Variants in ADAMTS8 observed in about 807,000 individuals in gnomAD.
ADAMTS8 encodes the protein A disintegrin and metalloproteinase with thrombospondin motifs 8.
Under a neutral mutation model 64.4 loss-of-function variants are expected in ADAMTS8, and 50 were observed. The observed-to-expected ratio is 0.78, with a 90% CI of 0.62 to 0.98. ADAMTS8 has a LOEUF of 0.98. Ranked by LOEUF, ADAMTS8 falls within the 50% of genes least tolerant of loss-of-function variation. The probability of loss-of-function intolerance (pLI) is 0.00; values close to 1 mark genes in which losing one functional copy is unlikely to be tolerated. For missense variants in ADAMTS8, 1,192 were observed against 1,208.2 expected, an observed-to-expected ratio of 0.99 and a Z score of 0.20; for synonymous variants, 556 against 533.6, an observed-to-expected ratio of 1.04 and a Z score of -0.58.
Position 130,408,793 on chromosome 11 carries a change from C to A in ADAMTS8, c.1898G>T (p.Ser633Ile), listed in dbSNP as rs750862617. The A allele has an allele frequency of 1.2e-6, 2 of 1,614,130 alleles. No homozygotes were observed. The highest frequency in any genetic ancestry group is 1.7e-6 in the Non-Finnish European group (2 of 1,180,018). ...CKLFCRARGR[S>I]EFKVFEAKVI... ...CTTGGCCTCGAACACTTTGAACTCG[C>A]TCCTCCCCCGGGCTCGGCAGAACAA... Residue 633 changes from serine to isoleucine, a missense_variant, in exon 7 of 9, where the codon AGC (serine) becomes ATC (isoleucine). By Grantham distance (142) the Ser-to-Ile change is moderately radical. Transcript: ENST00000257359.
intron 1 of ADAMTS8, among the ~76,000 whole-genome samples, chr11:130,427,230 G>A (rs1413568456): frequency 6.6e-6 from 1 of 152,172 alleles, no homozygotes; most frequent in Non-Finnish European, 1.5e-5. Context: ...GGCAGGTGCC[G>A]GGGAATGCGT....
At chr11:130,418,920 G>A (rs571575346) in intron 2 of ADAMTS8, 133 bp downstream of exon 2, 935 of 1,401,116 alleles carry the variant, frequency 6.7e-4, no homozygotes, top group Middle Eastern at 1.8e-3. Context: ...ATCATTCTGG[G>A]CATGAGGCTC....
At chr11:130,423,798 G>A (rs928693725) in intron 1 of ADAMTS8, among the ~76,000 whole-genome samples, 1 of 152,198 alleles carries the variant, frequency 6.6e-6, no homozygotes, top group Non-Finnish European at 1.5e-5. Context: ...ATCTCGCCCC[G>A]GGTTCACACA....
rs368948558 is a variant in ADAMTS8, at chr11:130,411,552, A to G, written c.1615T>C (p.Ser539Pro). 4 of 1,614,016 alleles carry G rather than the reference A, an allele frequency of 2.5e-6. No individual in the cohort carries two copies. The African/African-American group carries it at 4.0e-5, about 16-fold the overall frequency. The change falls in exon 6 of 9, where the codon TCT (serine) becomes CCT (proline). Residue 539 changes from serine (S) to proline (P), a missense_variant. By Grantham distance (74) the Ser-to-Pro change is moderately conservative (BLOSUM62 -1). Around this residue, in one of 5 missense-constraint regions of ADAMTS8, gnomAD observed 290 missense variants for 297.8 expected, o/e 0.97. Transcript: ENST00000257359. This position sits in a 1 kb window ranked among gnomAD's most constrained non-coding sequence, Gnocchi z 4.2. ...TGTACTCCTCCTCCACAGGTCCGAGAACATTCTCCCCAGGGTCCCCACGGT... is the reference window on the plus strand; with the variant it reads ...TGTACTCCTCCTCCACAGGTCCGAGGACATTCTCCCCAGGGTCCCCACGGT... ...WAPWGPWGEC[S>P]RTCGGGVQFS...
rs758545232 is a variant in ADAMTS8, at chr11:130,416,222, G to A, written c.1205C>T (p.Thr402Met). 2.1e-5 allele frequency: 34 copies of A among 1,595,276 alleles called. No homozygotes were observed. Among genetic ancestry groups the A allele is most frequent in the Middle Eastern group, 1.7e-4 (1 of 5,988 alleles). ...MAPLFVHLNQ[T>M]LPWSPCSAMY... Reference sequence around the variant, plus strand: ...GGCGCTGCAGGGGGACCAGGGCAGCGTCTGGTTCAGGTGGACGAACAGCGG... The same window carrying A: ...GGCGCTGCAGGGGGACCAGGGCAGCATCTGGTTCAGGTGGACGAACAGCGG... The change falls in exon 4 of 9, where the codon ACG becomes ATG. Residue 402 changes from threonine (T) to methionine (M), a missense_variant. Around this residue, in one of 5 missense-constraint regions of ADAMTS8, gnomAD observed 741 missense variants for 710.6 expected, o/e 1.04. Transcript: ENST00000257359. This position sits in a 1 kb window ranked among gnomAD's most constrained non-coding sequence, Gnocchi z 4.8.
Position 130,428,211 on chromosome 11 carries a change from C to G in ADAMTS8, c.76G>C (p.Gly26Arg). 8.1e-7 allele frequency: 1 copy of G among 1,233,060 alleles called. No homozygotes were observed. The highest frequency in any genetic ancestry group is 1.0e-6 in the Non-Finnish European group (1 of 995,578). The allele number at this position is 1,233,060 out of a possible 1,614,324, so 76.4% of individuals were successfully genotyped here. Reference protein sequence around the residue: ...LLLLLLPLARGAPARPAAGGQ... With the variant: ...LLLLLLPLARRAPARPAAGGQ... The stretch of plus-strand genomic sequence containing the variant: ...CCGGCTGCGGGCCGGGCCGGGGCGC[C>G]GCGGGCCAGCGGCAGCAGCAGCAGC... The change falls in exon 1 of 9, where the codon GGC (glycine) becomes CGC (arginine). Residue 26 changes from glycine (G) to arginine (R), a missense_variant. Gly to Arg is a moderately radical substitution (Grantham distance 125). Around this residue, in one of 5 missense-constraint regions of ADAMTS8, gnomAD observed 741 missense variants for 710.6 expected, o/e 1.04. Transcript: ENST00000257359.
At chr11:130,407,864 A>T (rs1861903656) in intron 8 of ADAMTS8, among the ~76,000 whole-genome samples, 1 of 152,212 alleles carries the variant, frequency 6.6e-6, no homozygotes, top group African/African-American at 2.4e-5. Context: ...TGCTCACCTC[A>T]TGGACTTATT....
intron 1 of ADAMTS8, among the ~76,000 whole-genome samples, chr11:130,424,154 G>T (rs1424787403): frequency 6.6e-6 from 1 of 152,214 alleles, no homozygotes; most frequent in African/African-American, 2.4e-5. Context: ...GTATCAGAGG[G>T]TCGACAGAGC....
Position 130,416,121 on chromosome 11 carries a change from G to A in ADAMTS8, c.1264+42C>T. On this transcript the variant is annotated intron_variant, in intron 4 of 8. Transcript: ENST00000257359. The surrounding 1 kb of genome is among the most constrained non-coding windows in gnomAD (Gnocchi z 4.8). ...GTCTCTGCGCCAGCACCAGTGGAAG[G>A]AGGCCCACGGGGACAAGTAGGGCGG... 6.6e-7 allele frequency: 1 copy of A among 1,517,892 alleles called. No homozygotes were observed. The highest frequency in any genetic ancestry group is 1.4e-5 in the African/African-American group (1 of 73,030). 94.0% of individuals were successfully genotyped at this position (1,517,892 alleles called of 1,614,324 possible).
rs369009464 is a variant in ADAMTS8 at position 130,414,681 on chromosome 11, G to T, written c.1416C>A (p.Cys472Ter). 2.5e-6 allele frequency: 4 copies of T among 1,613,740 alleles called. No homozygotes were observed. Among genetic ancestry groups the T allele is most frequent in the Non-Finnish European group, 2.5e-6 (3 of 1,180,050 alleles). ...HCPNTSAQDV[C>*]AQLWCHTDGA... is the part of the protein sequence containing the mutation. ...CATCAGTGTGGCACCAAAGCTGGGC[G>T]CAGACGTCCTGAGCAGAGGTGTTGG... The change falls in exon 5 of 9, where the codon TGC (cysteine) becomes TGA (stop). Residue 472 changes from cysteine (C) to a stop codon, truncating the protein, a stop_gained. Transcript: ENST00000257359. LOFTEE classifies it high-confidence loss of function.
chr11:130,426,956 C>T (rs923100723), intron 1 of ADAMTS8, among the ~76,000 whole-genome samples: 2 of 152,252 alleles, frequency 1.3e-5, no homozygotes, highest in Non-Finnish European at 2.9e-5. Flanking sequence ...CGGGGCTGAG[C>T]GCCAGGTTGG....
intron 1 of ADAMTS8, among the ~76,000 whole-genome samples, chr11:130,423,979 C>T (rs564599805): frequency 6.6e-6 from 1 of 152,324 alleles, no homozygotes; most frequent in South Asian, 2.1e-4. Context: ...ATTGACAGAG[C>T]TCTGGAAAAC....
chr11:130,427,993 G>A lies in ADAMTS8; in HGVS notation c.294C>T (p.Arg98=). ...GRATGGERGL[R]GCFFSGTVNG... ...TCACGGTGCCGGAGAAGAAGCAGCC[G>A]CGCAGCCCCCGCTCGCCCCCGGTCG... The change falls in exon 1 of 9, where the codon CGC becomes CGT. Residue 98 remains arginine, a synonymous_variant. Coordinates refer to ENST00000257359, the MANE Select transcript of ADAMTS8 (RefSeq NM_007037.6). 18 of 1,528,444 alleles carry A rather than the reference G, an allele frequency of 1.2e-5. No individual in the cohort carries two copies. The highest frequency in any genetic ancestry group is 2.5e-5 in the East Asian group (1 of 39,932). The allele number at this position is 1,528,444 out of a possible 1,614,324, so 94.7% of individuals were successfully genotyped here.
At chr11:130,427,418 T>G in intron 1 of ADAMTS8, 149 bp downstream of exon 1, 1 of 976,962 alleles carries the variant, frequency 1.0e-6, no homozygotes, top group Non-Finnish European at 1.5e-6. Flanking sequence ...GAATCTCGTT[T>G]GGGGTAAGGC....
chr11:130,408,674 GT>G, intron 7 of ADAMTS8, 35 bp from the exon 8 acceptor site: 1 of 1,612,978 alleles, frequency 6.2e-7, no homozygotes, highest in Non-Finnish European at 8.5e-7. Context: ...GGGAGGGCGT[GT>G]TGAGCACAGA....
At chr11:130,421,822 C>T (rs942289149) in intron 1 of ADAMTS8, among the ~76,000 whole-genome samples, 1 of 152,196 alleles carries the variant, frequency 6.6e-6, no homozygotes, top group Non-Finnish European at 1.5e-5. Context: ...GGGGATCAGG[C>T]CTGCGGCTGG....
At chr11:130,421,134 G>A (rs115343148) in intron 1 of ADAMTS8, among the ~76,000 whole-genome samples, 1,562 of 152,292 alleles carry the variant, frequency 0.01, 13 homozygotes, top group African/African-American at 0.013. Context: ...GCTAAGCTTC[G>A]GGGCCGAGAC....
At chr11:130,415,623 T>TTTTTTAA (rs56311542) in intron 4 of ADAMTS8, among the ~76,000 whole-genome samples, 2 of 145,684 alleles carry the variant, frequency 1.4e-5, no homozygotes, top group South Asian at 2.2e-4. Context: ...TTTTTTTTTT[T>TTTTTTAA]AAAGAGATAG....
chr11:130,417,605 T>C (rs2134684675), intron 2 of ADAMTS8, among the ~76,000 whole-genome samples: 1 of 141,806 alleles, frequency 7.1e-6, no homozygotes, highest in African/African-American at 3.1e-5. Context: ...CAGGCTGGAA[T>C]GCAGTGGCTA....
Sources: allele counts gnomAD v4.1 joint callset (sites outside exome capture counted in the v4.1 genomes callset), GRCh38; gene constraint gnomAD v4.1.1; regional missense constraint gnomAD v4.1.1; non-coding constraint Gnocchi (gnomAD v3.1); transcripts MANE v1.5; gene names NCBI Gene and HGNC (gene_info 2026-07-23, HGNC 2026-07-21).